Variants in CLASP2 observed in about 807,000 individuals in gnomAD.
The protein encoded by CLASP2 is cytoplasmic linker associated protein 2, also known as CLIP-associating protein 2.
Under a neutral mutation model 194.4 loss-of-function variants are expected in CLASP2, and 47 were observed. The ratio of observed to expected loss-of-function variants is 0.24; its 90% CI spans 0.19 to 0.31. CLASP2 has a LOEUF of 0.31. CLASP2 is among the 10% of genes least tolerant of loss of function. The pLI is 1.00. For synonymous variants in CLASP2, 619 were observed against 633.5 expected (o/e 0.98, Z 0.34); for missense variants, 1,445 against 1,823.6 (o/e 0.79, Z 3.78).
chr3:33,622,436 T>A (rs1458658019), intron 10 of CLASP2, among the ~76,000 whole-genome samples, 156 bp from the exon 11 acceptor site: 1 of 152,200 alleles, frequency 6.6e-6, no homozygotes, highest in Non-Finnish European at 1.5e-5. Flanking sequence ...TAGCATTAAA[T>A]GTATCTTGTA....
chr3:33,595,228 T>C (rs1007559307), intron 19 of CLASP2, among the ~76,000 whole-genome samples: 1 of 152,088 alleles, frequency 6.6e-6, no homozygotes, highest in Non-Finnish European at 1.5e-5. Context: ...GTCTGCTATA[T>C]TGCATTCTTA....
rs73053702 is a variant in CLASP2 at position 33,585,886 on chromosome 3, T to A, written c.2069-966A>T. Among the ~76,000 whole-genome samples the A allele has an allele frequency of 5.2e-3, 785 of 152,330 alleles. 5 individuals are homozygous for A. Among genetic ancestry groups the A allele is most frequent in the Middle Eastern group, 0.031 (9 of 294 alleles). ...ATAATCTGTTTCATTTTAAAATAGT[T>A]TGCCTGCTGAGATTTCTCTGAATGG... On this transcript the variant is annotated intron_variant, in intron 21 of 38. Coordinates refer to ENST00000682230, the MANE Select transcript of CLASP2 (RefSeq NM_001365631.1).
At chr3:33,566,235 A>G (rs371234434) in intron 27 of CLASP2, among the ~76,000 whole-genome samples, 1 of 152,338 alleles carries the variant, frequency 6.6e-6, no homozygotes, top group East Asian at 1.9e-4. Context: ...GAAGACAAAG[A>G]TGAGAATTAC....
intron 8 of CLASP2, among the ~76,000 whole-genome samples, chr3:33,633,156 T>C (rs556858118): frequency 6.6e-6 from 1 of 152,238 alleles, no homozygotes; most frequent in African/African-American, 2.4e-5. Context: ...TTTGCAGTTT[T>C]TCTAACACTC....
At chr3:33,614,969 GACTCC>G (rs2075856480) in intron 12 of CLASP2, among the ~76,000 whole-genome samples, 1 of 152,056 alleles carries the variant, frequency 6.6e-6, no homozygotes, top group Admixed American at 6.6e-5. Flanking sequence ...GACAGAGCGA[GACTCC>G]ATAACAACAA....
intron 36 of CLASP2, among the ~76,000 whole-genome samples, chr3:33,515,785 G>A (rs1342591337): frequency 6.6e-6 from 1 of 152,054 alleles, no homozygotes; most frequent in Non-Finnish European, 1.5e-5. Context: ...TGAAGTGAAG[G>A]AGAAAACAAA....
chr3:33,516,997 G>A lies in CLASP2; in HGVS notation c.3965C>T (p.Thr1322Met), dbSNP rs200758119. Residue 1322 changes from threonine to methionine, a missense_variant, in exon 35 of 39, where the codon ACG becomes ATG. By Grantham distance (81) the Thr-to-Met change is moderately conservative. Coordinates refer to ENST00000682230, the MANE Select transcript of CLASP2 (RefSeq NM_001365631.1). ...GCCATTTACCTCTTTATCTCCAAGC[G>A]TTTCAAGCAATAAAAGCAATATTGT... ...FKTILLLLLETLGDKEPTIRA... is the reference protein window; with the variant it reads ...FKTILLLLLEMLGDKEPTIRA... 2.5e-5 allele frequency: 40 copies of A among 1,612,766 alleles called. 1 individual carries two copies. The Middle Eastern group carries it at 1.2e-3, about 47-fold the overall frequency.
At position 33,622,267 on chromosome 3, in the gene CLASP2, C is replaced by A; in HGVS notation, c.1049G>T (p.Arg350Leu). 1.4e-6 allele frequency: 2 copies of A among 1,479,678 alleles called. No individual in the cohort carries two copies. The highest frequency in any genetic ancestry group is 2.9e-5 in the South Asian group (2 of 68,064). 91.7% of individuals were successfully genotyped at this position (1,479,678 alleles called of 1,614,324 possible). The change falls in exon 11 of 39, where the codon CGA (arginine) becomes CTA (leucine). Residue 350 changes from arginine (R) to leucine (L), a missense_variant. Arg to Leu is a moderately radical substitution (Grantham distance 102). Transcript: ENST00000682230. ...TGCAGCTCCAGCAACAAGCAGTGAT[C>A]GAATTTTCTTCAGCTGAAATAAAGA... ...DQRANALKKI[R>L]SLLVAGAAQY...
At chr3:33,687,932 A>G (rs1307525234) in intron 4 of CLASP2, among the ~76,000 whole-genome samples, 1 of 152,348 alleles carries the variant, frequency 6.6e-6, no homozygotes, top group East Asian at 1.9e-4. Context: ...GGAAATGACT[A>G]TAATATGTGA....
intron 8 of CLASP2, among the ~76,000 whole-genome samples, chr3:33,638,472 T>A (rs1313085052): frequency 2.0e-5 from 3 of 151,634 alleles, no homozygotes. Context: ...GCCCAGATAA[T>A]TTTTTTTGTA....
At chr3:33,572,407 C>T (rs938000374) in intron 25 of CLASP2, among the ~76,000 whole-genome samples, 6 of 152,062 alleles carry the variant, frequency 3.9e-5, no homozygotes, top group African/African-American at 1.4e-4. Context: ...AATAAATACA[C>T]AGGAAGTAAG....
Position 33,538,732 on chromosome 3 carries a change from A to C in CLASP2, c.3558+57T>G, listed in dbSNP as rs949164531. The C allele has an allele frequency of 7.4e-6, 10 of 1,359,950 alleles. No homozygotes were observed. The African/African-American group carries it at 1.5e-4, about 20-fold the overall frequency. The allele number at this position is 1,359,950 out of a possible 1,614,324, so 84.2% of individuals were successfully genotyped here. A position where few individuals can be genotyped will look rare whatever the true frequency, so the allele number is the denominator to read the frequency against. ...ATGACAGAAAGCAAAATGTAATTTA[A>C]AAAATTATTAATGAACAATAAAATA... On this transcript the variant is annotated intron_variant, in intron 33 of 38. Transcript: ENST00000682230.
intron 1 of CLASP2, among the ~76,000 whole-genome samples, chr3:33,708,522 A>G (rs1262136656): frequency 8.8e-6 from 1 of 113,918 alleles, no homozygotes; most frequent in Non-Finnish European, 1.7e-5. Context: ...ATATGTATAT[A>G]TGTATATATA....
intron 18 of CLASP2, 136 bp downstream of exon 18, chr3:33,602,816 A>G: frequency 2.1e-6 from 2 of 933,778 alleles, no homozygotes; most frequent in Non-Finnish European, 3.4e-6. Context: ...GTGTGTCCGC[A>G]ATATAGAATT....
In CLASP2 at chr3:33,577,380, T is replaced by C. The variant is rs530344228; in HGVS notation, c.2348-1105A>G. On this transcript the variant is annotated intron_variant, in intron 23 of 38. Coordinates refer to ENST00000682230, the MANE Select transcript of CLASP2 (RefSeq NM_001365631.1). ...CACTGGTGTTATTCTTTATAGTTAA[T>C]GATCAGAGTATTGCCAAATAGGGCA... The C allele has an allele frequency of 1.2e-5, 9 of 769,004 alleles. No individual in the cohort carries two copies. The African/African-American group carries it at 1.6e-4, about 14-fold the overall frequency. 47.6% of individuals were successfully genotyped at this position (769,004 alleles called of 1,614,324 possible).
Position 33,574,587 on chromosome 3 carries a change from A to G in CLASP2, c.2455-1233T>C, listed in dbSNP as rs985416342. On this transcript the variant is annotated intron_variant, in intron 24 of 38. Transcript: ENST00000682230. Reference sequence around the variant, plus strand: ...AGTGAAATAGGCATTAACAATGCCTATGATCAGAAACATTACGTTTTTTTC... The same window carrying G: ...AGTGAAATAGGCATTAACAATGCCTGTGATCAGAAACATTACGTTTTTTTC... 5.8e-6 allele frequency: 4 copies of G among 684,666 alleles called. No homozygotes were observed. In the African/African-American group the frequency reaches 7.4e-5, roughly 13 times the overall value. 42.4% of individuals were successfully genotyped at this position (684,666 alleles called of 1,614,324 possible).
At chr3:33,516,262 C>T (rs2051285425) in intron 35 of CLASP2, 111 bp from the exon 36 acceptor site, 1 of 950,522 alleles carries the variant, frequency 1.1e-6, no homozygotes, top group Non-Finnish European at 1.5e-6. Flanking sequence ...TTGTAGATAA[C>T]TGCATAAAGT....
chr3:33,652,049 A>G (rs2083309897), intron 7 of CLASP2, among the ~76,000 whole-genome samples: 1 of 152,096 alleles, frequency 6.6e-6, no homozygotes, highest in Admixed American at 6.5e-5. Flanking sequence ...CATGGCAAAT[A>G]AAAGAGCAAG....
At chr3:33,619,483 A>T (rs1390376486) in intron 12 of CLASP2, 120 bp downstream of exon 12, 1 of 892,994 alleles carries the variant, frequency 1.1e-6, no homozygotes, top group Non-Finnish European at 1.6e-6. Context: ...TTCAAAAAGA[A>T]ACTCCATGAC....
Sources: allele counts gnomAD v4.1 joint callset (sites outside exome capture counted in the v4.1 genomes callset), GRCh38; gene constraint gnomAD v4.1.1; transcripts MANE v1.5; gene names NCBI Gene and HGNC (gene_info 2026-07-23, HGNC 2026-07-21).